Variants in VWA2 observed in about 807,000 individuals in gnomAD.
The protein encoded by VWA2 is von Willebrand factor A domain containing 2, also known as von Willebrand factor A domain-containing protein 2.
VWA2 carries 73 observed loss-of-function variants against 70.4 expected under a neutral mutation model. The observed-to-expected ratio is 1.04, with a 90% CI of 0.86 to 1.26. VWA2 has a LOEUF of 1.26. VWA2 is among the 50% of genes most tolerant of loss of function. VWA2 has a pLI of 0.00. For synonymous variants in VWA2, 407 were observed against 423.3 expected (o/e 0.96, Z 0.47); for missense variants, 1,011 against 998.5 (o/e 1.01, Z -0.17).
intron 1 of VWA2, among the ~76,000 whole-genome samples, chr10:114,244,529 G>A (rs545775541): frequency 6.6e-6 from 1 of 152,234 alleles, no homozygotes; most frequent in African/African-American, 2.4e-5. Flanking sequence ...CGAGGATTAG[G>A]AGAGAAGACA....
chr10:114,268,382 C>G (rs1013245863), intron 5 of VWA2, among the ~76,000 whole-genome samples: 4 of 151,932 alleles, frequency 2.6e-5, no homozygotes, highest in Non-Finnish European at 4.4e-5. Flanking sequence ...CCTCAGAGCC[C>G]CCTGTCTGGG....
chr10:114,245,015 G>T (rs1003655652), intron 1 of VWA2, among the ~76,000 whole-genome samples: 1 of 152,196 alleles, frequency 6.6e-6, no homozygotes, highest in Non-Finnish European at 1.5e-5. Flanking sequence ...CAAGACAAAC[G>T]TATCACTGGG....
chr10:114,278,533 C>T (rs1007747218), intron 7 of VWA2, among the ~76,000 whole-genome samples, 186 bp from the exon 8 acceptor site: 5 of 152,196 alleles, frequency 3.3e-5, no homozygotes, highest in Non-Finnish European at 5.9e-5. Context: ...CTGGATGCCC[C>T]GCTGAACAGG....
At chr10:114,253,747 C>T (rs779072666) in intron 3 of VWA2, 22 bp downstream of exon 3, 2 of 1,608,388 alleles carry the variant, frequency 1.2e-6, no homozygotes, top group South Asian at 2.2e-5. Context: ...TTCTTCTTAA[C>T]CCTCCAGATG....
At position 114,291,327 on chromosome 10, in the gene VWA2, T is replaced by C. The variant is rs962380763; in HGVS notation, c.*90T>C. On this transcript the variant is annotated 3_prime_UTR_variant, in exon 14 of 14. Coordinates refer to ENST00000392982, the MANE Select transcript of VWA2 (RefSeq NM_001272046.2). Reference sequence around the variant, plus strand: ...GGGCACTGAAATGGTGCCTACCTTCTGGAATGTCTGTGCCCCAGGTCCTTA... The same window carrying C: ...GGGCACTGAAATGGTGCCTACCTTCCGGAATGTCTGTGCCCCAGGTCCTTA... 1.3e-4 allele frequency: 190 copies of C among 1,417,948 alleles called. No individual in the cohort carries two copies. Among genetic ancestry groups the C allele is most frequent in the Admixed American group, 5.1e-4 (21 of 41,124 alleles). The allele number at this position is 1,417,948 out of a possible 1,614,324, so 87.8% of individuals were successfully genotyped here.
rs749278374 is a variant in VWA2 at position 114,286,192 on chromosome 10, T to C, written c.1251T>C (p.Gly417=). Residue 417 remains glycine, a synonymous_variant, in exon 11 of 14, where the codon GGT becomes GGC. Coordinates refer to ENST00000392982, the MANE Select transcript of VWA2 (RefSeq NM_001272046.2). ...GCCTCGATGGCATTCCCTTCCGTGG[T>C]GGCCCCACCCTGACGGGCAGTGCCT... ...VWSLDGIPFR[G]GPTLTGSALR... 4.3e-6 allele frequency: 7 copies of C among 1,613,890 alleles called. No homozygotes were observed. Among genetic ancestry groups the C allele is most frequent in the Admixed American group, 1.7e-5 (1 of 60,006 alleles).
chr10:114,263,328 A>ATTTTTTTTTTTTTT (rs35723083), intron 5 of VWA2, among the ~76,000 whole-genome samples: 2 of 76,144 alleles, frequency 2.6e-5, no homozygotes, highest in African/African-American at 1.1e-4. Flanking sequence ...AATCTCCCCC[A>ATTTTTTTTTTTTTT]TTTTTTTTTT....
chr10:114,246,187 C>A, intron 1 of VWA2: 2 of 1,180,782 alleles, frequency 1.7e-6, no homozygotes, highest in Non-Finnish European at 2.5e-6. Context: ...CAAACGTACA[C>A]CAAGAGACCT....
intron 8 of VWA2, among the ~76,000 whole-genome samples, chr10:114,282,012 G>A (rs73365313): frequency 0.019 from 1,115 of 57,976 alleles, 25 homozygotes; most frequent in African/African-American, 0.067. Flanking sequence ...GCCAGCTTAT[G>A]TTACCTTTTT....
chr10:114,248,033 G>T (rs912823513), intron 1 of VWA2, among the ~76,000 whole-genome samples: 1 of 151,952 alleles, frequency 6.6e-6, no homozygotes, highest in South Asian at 2.1e-4. Flanking sequence ...CTTGAACCCC[G>T]GGAGGCGGAG....
chr10:114,239,401 G>T lies in VWA2; in HGVS notation c.-179G>T, dbSNP rs576881494. 10 of 152,374 alleles carry T rather than the reference G, an allele frequency of 6.6e-5. No homozygotes were observed. In the East Asian group the frequency reaches 1.4e-3, roughly 21 times the overall value. The allele number at this position is 152,374 out of a possible 1,614,324, so 9.4% of individuals were successfully genotyped here. A position where few individuals can be genotyped will look rare whatever the true frequency, so the allele number is the denominator to read the frequency against. On this transcript the variant is annotated 5_prime_UTR_variant, in exon 1 of 14. Coordinates refer to ENST00000392982, the MANE Select transcript of VWA2 (RefSeq NM_001272046.2). ...GGCGGTAGTTCCTCCGACCTCAGCC[G>T]GGTCGGGTCGTGCCGCCCTCTCCCA...
At chr10:114,256,492 G>T (rs2037330702) in intron 4 of VWA2, among the ~76,000 whole-genome samples, 1 of 152,164 alleles carries the variant, frequency 6.6e-6, no homozygotes, top group Non-Finnish European at 1.5e-5. Flanking sequence ...GAGGACAGTG[G>T]TTTTCATTAA....
intron 4 of VWA2, among the ~76,000 whole-genome samples, chr10:114,257,168 G>T (rs113191524): frequency 1.3e-5 from 2 of 152,076 alleles, no homozygotes; most frequent in Admixed American, 1.3e-4. Flanking sequence ...TGCACCTGAG[G>T]ACACCATAGC....
At chr10:114,283,227 C>T (rs139619709) in intron 9 of VWA2, among the ~76,000 whole-genome samples, 216 of 152,108 alleles carry the variant, frequency 1.4e-3, no homozygotes, top group Middle Eastern at 3.4e-3. Context: ...GCCTGTCTCC[C>T]GGAAGCAATG....
intron 1 of VWA2, among the ~76,000 whole-genome samples, chr10:114,248,343 CTT>C (rs1301322204): frequency 2.0e-5 from 3 of 152,172 alleles, no homozygotes; most frequent in African/African-American, 7.2e-5. Context: ...AAAGAAGTGA[CTT>C]TGCCCAGGGT....
rs746981679 is a variant in VWA2, at chr10:114,261,253, C to T, written c.329C>T (p.Thr110Ile). The T allele has an allele frequency of 3.1e-6, 5 of 1,614,030 alleles. No individual in the cohort carries two copies. The African/African-American group carries it at 6.7e-5, about 22-fold the overall frequency. Residue 110 changes from threonine to isoleucine, a missense_variant, in exon 5 of 14, where the codon ACC becomes ATC. Thr to Ile is a moderately conservative substitution (Grantham distance 89). Coordinates refer to ENST00000392982, the MANE Select transcript of VWA2 (RefSeq NM_001272046.2). Reference protein sequence around the residue: ...HLEFPLDSFSTQQEVKARIKR... With the variant: ...HLEFPLDSFSIQQEVKARIKR... ...GAATTCCCCTTGGATTCATTTTCAA[C>T]CCAACAGGAAGTGAAGGCAAGAATC...
Position 114,251,490 on chromosome 10 carries a change from T to C in VWA2, c.53-2161T>C, listed in dbSNP as rs72823067. Among the ~76,000 whole-genome samples the C allele has an allele frequency of 5.8e-3, 877 of 152,372 alleles. 5 individuals carry two copies. Among genetic ancestry groups the C allele is most frequent in the South Asian group, 0.016 (78 of 4,832 alleles). ...ATCCTGGGGAGATGGCTGGCCTGCC[T>C]TCAGCTGGAGAGTTTGCTGGTAAGA... On this transcript the variant is annotated intron_variant, in intron 2 of 13. Coordinates refer to ENST00000392982, the MANE Select transcript of VWA2 (RefSeq NM_001272046.2).
chr10:114,244,174 T>TCAGCGCAGGTATTA (rs1225341899), intron 1 of VWA2, among the ~76,000 whole-genome samples: 1 of 152,052 alleles, frequency 6.6e-6, no homozygotes, highest in Non-Finnish European at 1.5e-5. Flanking sequence ...GTGTGAGAGC[T>TCAGCGCAGGTATTA]GCTGGCAGGT....
rs78804668 is a variant in VWA2 at position 114,288,362 on chromosome 10, T to G, written c.1571-576T>G. On this transcript the variant is annotated intron_variant, in intron 11 of 13. Coordinates refer to ENST00000392982, the MANE Select transcript of VWA2 (RefSeq NM_001272046.2). Reference sequence around the variant, plus strand: ...TCTGTTCCCCTAGACTGTCAGCCTGTTGACAGCAGGCATGGGCCCATTTTG... The same window carrying G: ...TCTGTTCCCCTAGACTGTCAGCCTGGTGACAGCAGGCATGGGCCCATTTTG... 2.3e-3 allele frequency among the ~76,000 whole-genome samples: 346 copies of G among 152,370 alleles called. 2 individuals carry two copies. The highest frequency in any genetic ancestry group is 8.0e-3 in the African/African-American group (333 of 41,588).
Sources: allele counts gnomAD v4.1 joint callset (sites outside exome capture counted in the v4.1 genomes callset), GRCh38; gene constraint gnomAD v4.1.1; transcripts MANE v1.5; gene names NCBI Gene and HGNC (gene_info 2026-07-23, HGNC 2026-07-21).